The following MAN1A1 variants were observed in gnomAD, a reference collection of about 807,000 sequenced individuals.
The protein encoded by MAN1A1 is mannosidase alpha class 1A member 1.
A neutral mutation model predicts 70.8 loss-of-function variants in MAN1A1; 29 were observed. The ratio of observed to expected loss-of-function variants is 0.41; its 90% CI spans 0.31 to 0.56. MAN1A1 has a LOEUF of 0.56. Among genes scored for constraint, MAN1A1 ranks in the 20% least tolerant of loss-of-function variants. The pLI is 0.29. For synonymous variants in MAN1A1, 349 were observed against 330.1 expected, an observed-to-expected ratio of 1.06 and a Z score of -0.62; for missense variants, 747 against 841.3, an observed-to-expected ratio of 0.89 and a Z score of 1.39.
At chr6:119,190,628 A>C (rs977221038) in intron 9 of MAN1A1, among the ~76,000 whole-genome samples, 4 of 152,186 alleles carry the variant, frequency 2.6e-5, no homozygotes, top group African/African-American at 4.8e-5. Flanking sequence ...GTTCCTCTCT[A>C]ATACTTCTAT....
chr6:119,330,063 C>T (rs545768869), intron 2 of MAN1A1, among the ~76,000 whole-genome samples: 1 of 152,332 alleles, frequency 6.6e-6, no homozygotes, highest in South Asian at 2.1e-4. Context: ...ACTTACTCTG[C>T]ACATCCTGTA....
chr6:119,312,633 T>C (rs1233514832), intron 2 of MAN1A1, among the ~76,000 whole-genome samples: 1 of 152,134 alleles, frequency 6.6e-6, no homozygotes. Context: ...AGAGACCTGA[T>C]ACTAAGGCCG....
In MAN1A1 at chr6:119,302,101, T is replaced by G; in HGVS notation, c.703A>C (p.Asn235His). The change falls in exon 4 of 13, where the codon AAC becomes CAC. Residue 235 changes from asparagine (N) to histidine (H), a missense_variant and splice_region_variant. Physicochemically the swap from Asn to His is moderately conservative, Grantham distance 68. Around this residue, in one of 2 missense-constraint regions of MAN1A1, gnomAD observed 419 missense variants for 548.2 expected, o/e 0.76. Coordinates refer to ENST00000368468, the MANE Select transcript of MAN1A1 (RefSeq NM_005907.4). The part of the protein sequence containing the change: ...KGGHSSSLFG[N>H]IKGATIVDAL... ...TCTACTATAGTTGCTCCTTTGATGTTACCTGAAAAGATCAGAAAAATATTT... is the reference window on the plus strand; with the variant it reads ...TCTACTATAGTTGCTCCTTTGATGTGACCTGAAAAGATCAGAAAAATATTT... The G allele has an allele frequency of 6.8e-7, 1 of 1,468,504 alleles. No individual in the cohort carries two copies. The highest frequency in any genetic ancestry group is 1.2e-5 in the South Asian group (1 of 85,252). 91.0% of individuals were successfully genotyped at this position (1,468,504 alleles called of 1,614,324 possible).
At chr6:119,245,447 A>G (rs1775144771) in intron 6 of MAN1A1, among the ~76,000 whole-genome samples, 1 of 152,164 alleles carries the variant, frequency 6.6e-6, no homozygotes, top group African/African-American at 2.4e-5. Flanking sequence ...TGACACCAAC[A>G]GCACATTTTG....
chr6:119,217,350 C>T (rs1047524544), intron 6 of MAN1A1, among the ~76,000 whole-genome samples: 8 of 152,210 alleles, frequency 5.3e-5, no homozygotes, highest in East Asian at 3.9e-4. Flanking sequence ...GGCCCAGTTT[C>T]GGCTCACTGC....
chr6:119,285,468 T>C (rs1776343650), intron 5 of MAN1A1, among the ~76,000 whole-genome samples: 1 of 152,158 alleles, frequency 6.6e-6, no homozygotes, highest in Non-Finnish European at 1.5e-5. Context: ...ATCCGAACTA[T>C]ATCGATTACC....
chr6:119,295,059 A>G (rs1448228503), intron 4 of MAN1A1, among the ~76,000 whole-genome samples: 1 of 152,106 alleles, frequency 6.6e-6, no homozygotes, highest in African/African-American at 2.4e-5. Flanking sequence ...ATTATTTTGT[A>G]TGCTTCCCTC....
chr6:119,277,343 TAAAA>T (rs1266796269), intron 5 of MAN1A1, among the ~76,000 whole-genome samples: 5 of 152,008 alleles, frequency 3.3e-5, no homozygotes, highest in Non-Finnish European at 7.4e-5. Flanking sequence ...GAAAAAAACT[TAAAA>T]AAATACATAA....
intron 6 of MAN1A1, among the ~76,000 whole-genome samples, chr6:119,240,411 T>C (rs1774971836): frequency 6.6e-6 from 1 of 152,296 alleles, no homozygotes; most frequent in East Asian, 1.9e-4. Flanking sequence ...TTTCCTGCTC[T>C]TGCCCTATCA....
At chr6:119,294,834 A>G (rs1170913866) in intron 4 of MAN1A1, among the ~76,000 whole-genome samples, 1 of 152,116 alleles carries the variant, frequency 6.6e-6, no homozygotes, top group African/African-American at 2.4e-5. Flanking sequence ...CTAAATTTAC[A>G]CCTAAAATCA....
intron 5 of MAN1A1, among the ~76,000 whole-genome samples, chr6:119,250,366 C>T (rs1775283244): frequency 6.6e-6 from 1 of 152,244 alleles, no homozygotes; most frequent in Non-Finnish European, 1.5e-5. Flanking sequence ...CTCAGCTCAG[C>T]TTCTCCAAAC....
At chr6:119,294,898 T>G (rs1017326744) in intron 4 of MAN1A1, among the ~76,000 whole-genome samples, 2 of 152,150 alleles carry the variant, frequency 1.3e-5, no homozygotes, top group African/African-American at 2.4e-5. Context: ...TAATCTCTAT[T>G]ATTGTCTTGG....
intron 3 of MAN1A1, among the ~76,000 whole-genome samples, chr6:119,304,746 T>C (rs9489680): frequency 0.38 from 57,394 of 151,974 alleles, 11,317 homozygotes; most frequent in Non-Finnish European, 0.41. Context: ...AGATTCATAA[T>C]GCCTAATACT....
chr6:119,349,929 G>C (rs946546640), upstream of MAN1A1, among the ~76,000 whole-genome samples: 3 of 148,280 alleles, frequency 2.0e-5, no homozygotes, highest in African/African-American at 7.8e-5. Context: ...CAGCCTCGGC[G>C]GGGCCCGGCC....
At chr6:119,180,940 A>G (rs1773136572) in intron 11 of MAN1A1, among the ~76,000 whole-genome samples, 1 of 152,356 alleles carries the variant, frequency 6.6e-6, no homozygotes, top group East Asian at 1.9e-4. Context: ...TATGGACCAC[A>G]TATCTTACCT....
intron 11 of MAN1A1, among the ~76,000 whole-genome samples, chr6:119,183,876 C>T (rs72956712): frequency 0.052 from 7,868 of 152,156 alleles, 311 homozygotes; most frequent in Non-Finnish European, 0.071. Flanking sequence ...CAGGCAGCAT[C>T]TTCCTTCTCA....
chr6:119,306,309 A>T (rs1157587987), intron 3 of MAN1A1, among the ~76,000 whole-genome samples: 1 of 152,194 alleles, frequency 6.6e-6, no homozygotes, highest in Admixed American at 6.6e-5. Flanking sequence ...CCTTACTTCC[A>T]CAATGGAATG....
chr6:119,256,725 C>A lies in MAN1A1; in HGVS notation c.898-8371G>T, dbSNP rs117109537. 6.3e-4 allele frequency among the ~76,000 whole-genome samples: 96 copies of A among 152,248 alleles called. No individual in the cohort carries two copies. In the East Asian group the frequency reaches 0.016, roughly 25 times the overall value. On this transcript the variant is annotated intron_variant, in intron 5 of 12. Transcript: ENST00000368468. Reference sequence around the variant, plus strand: ...CAGTTATGTCATAAAGAAAATGGGTCACTTCACTGTTCCAATTTTCTCTTT... The same window carrying A: ...CAGTTATGTCATAAAGAAAATGGGTAACTTCACTGTTCCAATTTTCTCTTT...
intron 11 of MAN1A1, among the ~76,000 whole-genome samples, chr6:119,185,586 A>AT (rs1269431817): frequency 6.8e-6 from 1 of 146,742 alleles, no homozygotes; most frequent in African/African-American, 2.5e-5. Context: ...GTTTTTCTTT[A>AT]TTTTTTTGGA....
Sources: allele counts gnomAD v4.1 joint callset (sites outside exome capture counted in the v4.1 genomes callset), GRCh38; gene constraint gnomAD v4.1.1; regional missense constraint gnomAD v4.1.1; transcripts MANE v1.5; gene names NCBI Gene and HGNC (gene_info 2026-07-23, HGNC 2026-07-21).